Variants in PFKP observed in about 807,000 individuals in gnomAD.
PFKP encodes ATP-dependent 6-phosphofructokinase, platelet type.
In PFKP, 101 loss-of-function variants were observed where a neutral mutation model predicts 94.3. That is an observed-to-expected ratio of 1.07 (90% CI 0.91 to 1.26). PFKP has a LOEUF of 1.26. Among genes scored for constraint, PFKP ranks in the 50% most tolerant of loss-of-function variants. PFKP has a pLI of 0.00. For synonymous variants in PFKP, 573 were observed against 432.6 expected (o/e 1.32, Z -4.03); for missense variants, 1,145 against 1,103.3 (o/e 1.04, Z -0.53).
In PFKP at chr10:3,136,603, G is replaced by A. The variant is rs763674665; in HGVS notation, c.*24G>A. The stretch of plus-strand genomic sequence containing the variant: ...GACCCAGTCCCGCCTGCATGTGCCT[G>A]CAGCCACCGTGGACTGTCTGTTTTT... On this transcript the variant is annotated 3_prime_UTR_variant, in exon 22 of 22. Transcript: ENST00000381125. 13 of 1,611,538 alleles carry A rather than the reference G, an allele frequency of 8.1e-6. No homozygotes were observed. The East Asian group carries it at 2.5e-4, about 30-fold the overall frequency.
chr10:3,135,281 A>ATGAC (rs1219614724), intron 20 of PFKP, among the ~76,000 whole-genome samples: 2 of 152,152 alleles, frequency 1.3e-5, no homozygotes, highest in Non-Finnish European at 2.9e-5. Flanking sequence ...ACTTAGAAAA[A>ATGAC]TGACAGTCTA....
At chr10:3,110,086 G>A (rs1836024809) in intron 10 of PFKP, among the ~76,000 whole-genome samples, 1 of 152,158 alleles carries the variant, frequency 6.6e-6, no homozygotes, top group Admixed American at 6.5e-5. Context: ...CCCTTCTTGG[G>A]CCAGGGAACT....
At chr10:3,076,742 C>G (rs114849124) in intron 1 of PFKP, among the ~76,000 whole-genome samples, 45 of 152,260 alleles carry the variant, frequency 3.0e-4, no homozygotes, top group African/African-American at 1.1e-3. Flanking sequence ...TTGGGGCACC[C>G]GAGCTGGACA....
intron 2 of PFKP, among the ~76,000 whole-genome samples, chr10:3,084,513 G>A (rs1296522755): frequency 9.9e-5 from 15 of 152,036 alleles, no homozygotes; most frequent in Admixed American, 9.8e-4. Context: ...ATGCGATTTG[G>A]GCAATTTTAA....
chr10:3,132,307 G>T, intron 17 of PFKP, 73 bp from the exon 18 acceptor site: 1 of 1,109,448 alleles, frequency 9.0e-7, no homozygotes. Flanking sequence ...GCACTTCCCA[G>T]CCTGCAGTGC....
At chr10:3,077,735 C>G (rs1033795177) in intron 1 of PFKP, among the ~76,000 whole-genome samples, 1 of 152,158 alleles carries the variant, frequency 6.6e-6, no homozygotes, top group Non-Finnish European at 1.5e-5. Flanking sequence ...GACTCTGACT[C>G]AAGGAAGAAA....
chr10:3,079,673 G>C (rs1285979926), intron 1 of PFKP, among the ~76,000 whole-genome samples: 2 of 113,334 alleles, frequency 1.8e-5, no homozygotes, highest in African/African-American at 3.1e-5. Context: ...GGGGGGGGGG[G>C]GAAGAGGAGC....
At chr10:3,083,942 C>A (rs536809498) in intron 2 of PFKP, among the ~76,000 whole-genome samples, 1 of 152,186 alleles carries the variant, frequency 6.6e-6, no homozygotes, top group South Asian at 2.1e-4. Context: ...CGCGCCCAGC[C>A]AACTGTTGCT....
At chr10:3,126,294 C>G (rs1837936625) in intron 16 of PFKP, among the ~76,000 whole-genome samples, 1 of 152,228 alleles carries the variant, frequency 6.6e-6, no homozygotes, top group Non-Finnish European at 1.5e-5. Flanking sequence ...CCATCTCTCT[C>G]CTAGGCTTCT....
In PFKP at chr10:3,082,431, C is replaced by T. The variant is rs769414665; in HGVS notation, c.156C>T (p.Tyr52=). 17 of 1,607,936 alleles carry T rather than the reference C, an allele frequency of 1.1e-5. No homozygotes were observed. Among genetic ancestry groups the T allele is most frequent in the Admixed American group, 6.7e-5 (4 of 59,666 alleles). Residue 52 remains tyrosine (Y), a synonymous_variant, in exon 2 of 22, where the codon TAC becomes TAT. Transcript: ENST00000381125. ...GTGCCGTGGTGCGCATGGGTATCTA[C>T]GTGGGGGCCAAGGTGTACTTCATCT... ...AVRAVVRMGI[Y]VGAKVYFIYE... is the part of the protein sequence containing the mutation.
At chr10:3,100,201 G>C (rs1834864983) in intron 3 of PFKP, among the ~76,000 whole-genome samples, 1 of 151,862 alleles carries the variant, frequency 6.6e-6, no homozygotes, top group Non-Finnish European at 1.5e-5. Flanking sequence ...CTGGGTTGCT[G>C]GCTCTAGCTC....
intron 11 of PFKP, among the ~76,000 whole-genome samples, 194 bp from the exon 12 acceptor site, chr10:3,112,925 A>G (rs1836398184): frequency 6.6e-6 from 1 of 152,142 alleles, no homozygotes; most frequent in Non-Finnish European, 1.5e-5. Context: ...GTCCATTTCC[A>G]CCAGACACGG....
chr10:3,069,677 G>C (rs1358248599), intron 1 of PFKP, among the ~76,000 whole-genome samples: 1 of 152,012 alleles, frequency 6.6e-6, no homozygotes, highest in East Asian at 1.9e-4. Context: ...GAGCCGAGGA[G>C]TTCCAGAGCA....
chr10:3,071,693 G>A (rs1334932929), intron 1 of PFKP, among the ~76,000 whole-genome samples: 2 of 152,172 alleles, frequency 1.3e-5, no homozygotes, highest in Non-Finnish European at 2.9e-5. Flanking sequence ...GGAAGTCCAG[G>A]TGCATCCTTA....
chr10:3,125,428 G>T (rs1201108839), intron 16 of PFKP, among the ~76,000 whole-genome samples: 1 of 152,204 alleles, frequency 6.6e-6, no homozygotes, highest in African/African-American at 2.4e-5. Flanking sequence ...CTTAGGGAGA[G>T]CCTGTCTTTA....
intron 11 of PFKP, 60 bp from the exon 12 acceptor site, chr10:3,113,059 T>G (rs1241845870): frequency 2.7e-6 from 4 of 1,484,024 alleles, no homozygotes; most frequent in African/African-American, 1.4e-5. Context: ...TTTCTCCACA[T>G]GAGCCCTGAG....
intron 11 of PFKP, among the ~76,000 whole-genome samples, 157 bp downstream of exon 11, chr10:3,112,443 C>T (rs1173589806): frequency 1.3e-5 from 2 of 152,186 alleles, no homozygotes. Context: ...GTAGCAGGCC[C>T]TGGTGACTGG....
chr10:3,106,539 TCC>T, intron 7 of PFKP, among the ~76,000 whole-genome samples: 1 of 149,352 alleles, frequency 6.7e-6, no homozygotes, highest in East Asian at 2.1e-4. Context: ...TGATGTGAGC[TCC>T]CAGTCCCAAA....
intron 1 of PFKP, among the ~76,000 whole-genome samples, chr10:3,071,185 G>A (rs750753798): frequency 2.6e-5 from 4 of 152,094 alleles, no homozygotes; most frequent in Non-Finnish European, 5.9e-5. Flanking sequence ...TTAGGGGAAC[G>A]GAAAATGCCT....
Sources: allele counts gnomAD v4.1 joint callset (sites outside exome capture counted in the v4.1 genomes callset), GRCh38; gene constraint gnomAD v4.1.1; transcripts MANE v1.5; gene names NCBI Gene and HGNC (gene_info 2026-07-23, HGNC 2026-07-21).